TBXA2R: variants seen among roughly 807,000 people sequenced by gnomAD.
TBXA2R encodes the protein prostanoid TP receptor.
A neutral mutation model predicts 15.6 loss-of-function variants in TBXA2R; 15 were observed. The ratio of observed to expected loss-of-function variants is 0.96; its 90% confidence interval spans 0.64 to 1.48. The LOEUF is 1.48. Among genes scored for constraint, TBXA2R ranks in the 40% most tolerant of loss-of-function variants. The pLI is 0.00. For synonymous variants in TBXA2R, 280 were observed against 241.2 expected, an observed-to-expected ratio of 1.16 and a Z score of -1.49; for missense variants, 506 against 491.4, an observed-to-expected ratio of 1.03 and a Z score of -0.28.
Position 3,600,288 on chromosome 19 carries a change from C to T in TBXA2R, c.347G>A (p.Gly116Asp). The T allele has an allele frequency of 6.2e-7, 1 of 1,612,722 alleles. No homozygotes were observed. The part of the protein sequence containing the change: ...RFMGVVMIFF[G>D]LSPLLLGAAM... Reference sequence around the variant, plus strand: ...GGCCCCCAGCAGCAGCGGGGACAGGCCGAAGAAGATCATGACGACGCCCAT... The same window carrying T: ...GGCCCCCAGCAGCAGCGGGGACAGGTCGAAGAAGATCATGACGACGCCCAT... The change falls in exon 2 of 3, where the codon GGC becomes GAC. Residue 116 changes from glycine (G) to aspartate (D), a missense_variant. Coordinates refer to ENST00000375190, the MANE Select transcript of TBXA2R (RefSeq NM_001060.6).
At chr19:3,602,410 C>T (rs925844184) in intron 1 of TBXA2R, among the ~76,000 whole-genome samples, 3 of 151,734 alleles carry the variant, frequency 2.0e-5, no homozygotes, top group Non-Finnish European at 2.9e-5. Context: ...GGACTGTGTG[C>T]GAGATGGAGG....
At chr19:3,602,774 AAAG>A (rs2032762049) in intron 1 of TBXA2R, among the ~76,000 whole-genome samples, 1 of 151,748 alleles carries the variant, frequency 6.6e-6, no homozygotes, top group Non-Finnish European at 1.5e-5. Context: ...AAAAAAAAAA[AAAG>A]AAAAAGAAAA....
intron 1 of TBXA2R, among the ~76,000 whole-genome samples, chr19:3,605,633 AGACAGAAACAT>A (rs1287156946): frequency 6.6e-6 from 1 of 152,086 alleles, no homozygotes; most frequent in African/African-American, 2.4e-5. Context: ...AGACACACCC[AGACAGAAACAT>A]GACAGACACA....
Position 3,595,485 on chromosome 19 carries a change from C to T in TBXA2R, c.*203G>A, listed in dbSNP as rs998459585. On this transcript the variant is annotated 3_prime_UTR_variant, in exon 3 of 3. Transcript: ENST00000375190. Reference sequence around the variant, plus strand: ...GGAGCTCTGGATGGGAAAAAGGGGCCGAGGAAGGGAGAGTGCTTGGTAAAA... The same window carrying T: ...GGAGCTCTGGATGGGAAAAAGGGGCTGAGGAAGGGAGAGTGCTTGGTAAAA... The T allele has an allele frequency of 1.1e-5, 15 of 1,422,578 alleles. No homozygotes were observed. The highest frequency in any genetic ancestry group is 8.6e-5 in the African/African-American group (6 of 69,614). The allele number at this position is 1,422,578 out of a possible 1,614,324, so 88.1% of individuals were successfully genotyped here. A position where few individuals can be genotyped will look rare whatever the true frequency, so the allele number is the denominator to read the frequency against.
chr19:3,595,594 C>G lies in TBXA2R; in HGVS notation c.*94G>C. ...GCTGATGCCCACTGTCCATCCAGCA[C>G]CCCCAGCCCCTGAATCCTCAGAACA... On this transcript the variant is annotated 3_prime_UTR_variant, in exon 3 of 3. Coordinates refer to ENST00000375190, the MANE Select transcript of TBXA2R (RefSeq NM_001060.6). 1 of 1,470,686 alleles carries G rather than the reference C, an allele frequency of 6.8e-7. No homozygotes were observed. The highest frequency in any genetic ancestry group is 9.0e-7 in the Non-Finnish European group (1 of 1,108,618). 91.1% of individuals were successfully genotyped at this position (1,470,686 alleles called of 1,614,324 possible).
rs2032569842 is a variant in TBXA2R, at chr19:3,595,076, T to A, written c.*612A>T. On this transcript the variant is annotated 3_prime_UTR_variant, in exon 3 of 3. Coordinates refer to ENST00000375190, the MANE Select transcript of TBXA2R (RefSeq NM_001060.6). ...GGCTGGGCCACAGAGTGAGACTCCG[T>A]CTAAAAAAAAAAAAAAAAATGGCCA... is the stretch of plus-strand genomic sequence containing the variant. The A allele has an allele frequency of 3.2e-6, 2 of 629,770 alleles. No homozygotes were observed. Among genetic ancestry groups the A allele is most frequent in the Non-Finnish European group, 5.0e-6 (2 of 402,886 alleles). 39.0% of individuals were successfully genotyped at this position (629,770 alleles called of 1,614,324 possible).
intron 2 of TBXA2R, among the ~76,000 whole-genome samples, chr19:3,596,360 G>C (rs1056278709): frequency 1.2e-4 from 19 of 152,070 alleles, no homozygotes; most frequent in Admixed American, 6.6e-4. Context: ...ATTGCTGGGT[G>C]ACCTCAGGAG....
intron 1 of TBXA2R, among the ~76,000 whole-genome samples, chr19:3,602,297 A>G (rs1436299483): frequency 2.6e-5 from 4 of 152,180 alleles, no homozygotes; most frequent in Non-Finnish European, 5.9e-5. Context: ...GGCTGGTTGT[A>G]AAGTCACCCA....
At chr19:3,600,779 T>C (rs2032721694) in intron 1 of TBXA2R, 62 bp from the exon 2 acceptor site, 2 of 867,804 alleles carry the variant, frequency 2.3e-6, no homozygotes, top group Non-Finnish European at 1.8e-6. Flanking sequence ...GTAGCTCTGG[T>C]GAACTCCTAC....
At position 3,595,846 on chromosome 19, in the gene TBXA2R, T is replaced by C; in HGVS notation, c.874A>G (p.Ile292Val). Residue 292 changes from isoleucine to valine, a missense_variant, in exon 3 of 3, where the codon ATC becomes GTC. Transcript: ENST00000375190. ...LSRTTEKELL[I>V]YLRVATWNQI... is the part of the protein sequence containing the mutation. ...TTCCAGGTGGCCACGCGCAAGTAGA[T>C]GAGCAGCTCCTTCTCCGTGGTGCGG... The C allele has an allele frequency of 6.2e-7, 1 of 1,611,666 alleles. No homozygotes were observed. Among genetic ancestry groups the C allele is most frequent in the Non-Finnish European group, 8.5e-7 (1 of 1,179,288 alleles).
rs1333355747 is a variant in TBXA2R at position 3,595,545 on chromosome 19, T to C, written c.*143A>G. On this transcript the variant is annotated 3_prime_UTR_variant, in exon 3 of 3. Transcript: ENST00000375190. ...AGGAGTTGGGGGTCCCCGGGTTGGATTGGGGTCAACCCAAAACCCTGCTGC... is the reference window on the plus strand; with the variant it reads ...AGGAGTTGGGGGTCCCCGGGTTGGACTGGGGTCAACCCAAAACCCTGCTGC... 14 of 1,437,440 alleles carry C rather than the reference T, an allele frequency of 9.7e-6. No individual in the cohort carries two copies. The highest frequency in any genetic ancestry group is 4.5e-5 in the South Asian group (3 of 67,292). The allele number at this position is 1,437,440 out of a possible 1,614,324, so 89.0% of individuals were successfully genotyped here.
rs775726146 is a variant in TBXA2R, at chr19:3,600,289, CGAA to C, written c.343_345del (p.Phe115del). ...GCCCCCAGCAGCAGCGGGGACAGGC[CGAA>C]GAAGATCATGACGACGCCCATGAAG... On this transcript the variant is annotated inframe_deletion, in exon 2 of 3. Coordinates refer to ENST00000375190, the MANE Select transcript of TBXA2R (RefSeq NM_001060.6). The C allele has an allele frequency of 1.9e-5, 31 of 1,612,610 alleles. No individual in the cohort carries two copies. The highest frequency in any genetic ancestry group is 1.6e-4 in the Middle Eastern group (1 of 6,080).
chr19:3,600,700 G>T lies in TBXA2R; in HGVS notation c.-66C>A, dbSNP rs941365894. On this transcript the variant is annotated 5_prime_UTR_variant, in exon 2 of 3. It introduces an in-frame stop codon into an upstream open reading frame of the 5' UTR. Coordinates refer to ENST00000375190, the MANE Select transcript of TBXA2R (RefSeq NM_001060.6). ...CCGATGCTGCAGACAGGGCAGGCTG[G>T]CACTGGTTCAGGCACACCTGGGAGG... is the stretch of plus-strand genomic sequence containing the variant. 9 of 1,571,862 alleles carry T rather than the reference G, an allele frequency of 5.7e-6. No homozygotes were observed. The highest frequency in any genetic ancestry group is 7.8e-6 in the Non-Finnish European group (9 of 1,153,892).
Position 3,600,825 on chromosome 19 carries a change from G to GTT in TBXA2R, c.-83-109_-83-108insAA, listed in dbSNP as rs201563283. The GTT allele has an allele frequency of 0.039, 17,292 of 447,630 alleles. 449 individuals are homozygous for GTT. Among genetic ancestry groups the GTT allele is most frequent in the African/African-American group, 0.1 (3,628 of 35,926 alleles). The allele number at this position is 447,630 out of a possible 1,614,324, so 27.7% of individuals were successfully genotyped here. ...ATGCCCCAGCTCAAATATCCTCTCCGGTTTTTTTTTTTTTTTTTTTTGAGA... is the reference window on the plus strand; with the variant it reads ...ATGCCCCAGCTCAAATATCCTCTCCGTTGTTTTTTTTTTTTTTTTTTTTGAGA... On this transcript the variant is annotated intron_variant, in intron 1 of 2. Coordinates refer to ENST00000375190, the MANE Select transcript of TBXA2R (RefSeq NM_001060.6).
In TBXA2R at chr19:3,600,243, T is replaced by G; in HGVS notation, c.392A>C (p.Tyr131Ser). 1 of 1,611,566 alleles carries G rather than the reference T, an allele frequency of 6.2e-7. No homozygotes were observed. Among genetic ancestry groups the G allele is most frequent in the East Asian group, 2.2e-5 (1 of 44,830 alleles). ...LLGAAMASER[Y>S]LGITRPFSRP... ...CGAGAAGGGCCGGGTGATACCCAGG[T>G]AGCGCTCTGAGGCCATGGCGGCCCC... Residue 131 changes from tyrosine (Y) to serine (S), a missense_variant, in exon 2 of 3, where the codon TAC becomes TCC. Transcript: ENST00000375190.
At chr19:3,598,340 C>CT in intron 2 of TBXA2R, among the ~76,000 whole-genome samples, 2 of 131,172 alleles carry the variant, frequency 1.5e-5, no homozygotes, top group Admixed American at 1.6e-4. Context: ...TTCTTTCTTT[C>CT]TTTTCTTTTC....
chr19:3,599,571 C>T (rs1025146534), intron 2 of TBXA2R, among the ~76,000 whole-genome samples: 2 of 152,108 alleles, frequency 1.3e-5, no homozygotes, highest in African/African-American at 2.4e-5. Context: ...ACCTCATGAT[C>T]CGCCCGCCTC....
rs548943154 is a variant in TBXA2R, at chr19:3,602,022, C to T, written c.-83-1305G>A. Among the ~76,000 whole-genome samples the T allele has an allele frequency of 2.0e-5, 3 of 151,356 alleles. 1 individual carries two copies. The South Asian group carries it at 6.3e-4, about 32-fold the overall frequency. On this transcript the variant is annotated intron_variant, in intron 1 of 2. Transcript: ENST00000375190. ...GGATCACGAGGTCAGGAGATCGAGACCATCCTGGCTAACACAGTGAAACCC... is the reference window on the plus strand; with the variant it reads ...GGATCACGAGGTCAGGAGATCGAGATCATCCTGGCTAACACAGTGAAACCC...
In TBXA2R at chr19:3,600,079, TCAGGAAGC is replaced by T. The variant is rs2032691477; in HGVS notation, c.548_555del (p.Cys183TyrfsTer205). ...ACGTCCCCGGACTCGGCGCCCAGCGTCAGGAAGCACCAGGACCCCGGGTATTGCACGGT... is the reference window on the plus strand; with the variant it reads ...ACGTCCCCGGACTCGGCGCCCAGCGTACCAGGACCCCGGGTATTGCACGGT... On this transcript the variant is annotated frameshift_variant, in exon 2 of 3. Transcript: ENST00000375190. LOFTEE classifies it high-confidence loss of function. 1 of 1,612,130 alleles carries T rather than the reference TCAGGAAGC, an allele frequency of 6.2e-7. No homozygotes were observed. Among genetic ancestry groups the T allele is most frequent in the African/African-American group, 1.3e-5 (1 of 74,788 alleles).
Sources: gnomAD v4.1 joint callset for allele counts (sites outside exome capture counted in the v4.1 genomes callset) on GRCh38, gnomAD v4.1.1 for gene constraint, MANE v1.5 for transcripts, NCBI Gene and HGNC (gene_info 2026-07-23, HGNC 2026-07-21) for gene names.